TJP1: variants seen among roughly 807,000 people sequenced by gnomAD.
TJP1 encodes tight junction protein 1.
TJP1 carries 43 observed loss-of-function variants against 194.2 expected under a neutral mutation model. That is an observed-to-expected ratio of 0.22 (90% CI 0.17 to 0.29). TJP1 has a LOEUF of 0.29. Among genes scored for constraint, TJP1 ranks in the 10% least tolerant of loss-of-function variants. The probability of loss-of-function intolerance (pLI) is 1.00; values close to 1 mark genes in which losing one functional copy is unlikely to be tolerated. For synonymous variants in TJP1, 801 were observed against 779.0 expected (o/e 1.03, Z -0.47); for missense variants, 1,971 against 2,185.7 (o/e 0.90, Z 1.96).
In TJP1 at chr15:29,701,087, G is replaced by A. The variant is rs2041513428; in HGVS notation, c.*508C>T. On this transcript the variant is annotated 3_prime_UTR_variant, in exon 28 of 28. Transcript: ENST00000614355. Reference sequence around the variant, plus strand: ...GTCTTCACTTCACCCTCCCCCAGTTGTAAATCTCCTTGCTGTACATTTCTG... The same window carrying A: ...GTCTTCACTTCACCCTCCCCCAGTTATAAATCTCCTTGCTGTACATTTCTG... 6.5e-6 allele frequency: 1 copy of A among 153,580 alleles called. No individual in the cohort carries two copies. Among genetic ancestry groups the A allele is most frequent in the Non-Finnish European group, 1.5e-5 (1 of 68,648 alleles). The allele number at this position is 153,580 out of a possible 1,614,324, so 9.5% of individuals were successfully genotyped here.
At chr15:29,772,402 T>C (rs892729232) in intron 3 of TJP1, among the ~76,000 whole-genome samples, 1 of 152,208 alleles carries the variant, frequency 6.6e-6, no homozygotes, top group Non-Finnish European at 1.5e-5. Flanking sequence ...TAACAAAGTA[T>C]TTCCCCAAAA....
chr15:29,949,454 A>ACCT (rs2055476475), intron 2 of TJP1, among the ~76,000 whole-genome samples: 13 of 122,698 alleles, frequency 1.1e-4, no homozygotes, highest in South Asian at 2.8e-4. Flanking sequence ...CACCTTCACC[A>ACCT]CCACTTCCAC....
chr15:29,710,541 ATAG>A (rs1566864892), intron 24 of TJP1, among the ~76,000 whole-genome samples: 1 of 152,210 alleles, frequency 6.6e-6, no homozygotes, highest in Non-Finnish European at 1.5e-5. Context: ...GAGATAAAAC[ATAG>A]TAGGTTTTAC....
upstream of TJP1, among the ~76,000 whole-genome samples, chr15:29,825,049 C>T (rs1173306024): frequency 1.3e-5 from 2 of 151,936 alleles, no homozygotes; most frequent in African/African-American, 4.8e-5. Context: ...AAAGTCTGTT[C>T]TTTAAATAAA....
chr15:29,779,874 A>G (rs2047245629), intron 2 of TJP1, among the ~76,000 whole-genome samples: 1 of 152,162 alleles, frequency 6.6e-6, no homozygotes, highest in Non-Finnish European at 1.5e-5. Flanking sequence ...GAAGTGCAAA[A>G]TGCAACGAGG....
intron 8 of TJP1, among the ~76,000 whole-genome samples, chr15:29,757,947 A>G (rs776884510): frequency 5.3e-5 from 8 of 152,228 alleles, no homozygotes; most frequent in Non-Finnish European, 8.8e-5. Context: ...AAATGTGAAA[A>G]CAAGGATGAA....
In TJP1 at chr15:29,724,074, T is replaced by A. The variant is rs187477765; in HGVS notation, c.2412+2305A>T. Among the ~76,000 whole-genome samples the A allele has an allele frequency of 3.1e-3, 465 of 152,350 alleles. 2 individuals carry two copies. Among genetic ancestry groups the A allele is most frequent in the Middle Eastern group, 0.024 (7 of 294 alleles). On this transcript the variant is annotated intron_variant, in intron 18 of 27. Coordinates refer to ENST00000614355, the MANE Select transcript of TJP1 (RefSeq NM_001330239.4). The stretch of plus-strand genomic sequence containing the variant: ...CTGCTATTAACTAGCAGGTTTGGTG[T>A]GGCTCTGCAGGTCTGCTGTGCCAGA...
At chr15:29,761,904 T>A in intron 6 of TJP1, 135 bp from the exon 7 acceptor site, 1 of 819,712 alleles carries the variant, frequency 1.2e-6, no homozygotes, top group Non-Finnish European at 1.8e-6. Flanking sequence ...TTTTCCAAAC[T>A]GTCAAAGTAT....
intron 2 of TJP1, among the ~76,000 whole-genome samples, chr15:29,845,079 A>T (rs1424379467): frequency 6.6e-6 from 1 of 152,220 alleles, no homozygotes; most frequent in African/African-American, 2.4e-5. Flanking sequence ...GAAGATGATA[A>T]CAGAAAAATG....
chr15:29,812,438 C>G (rs934469729), intron 1 of TJP1, among the ~76,000 whole-genome samples: 3 of 152,230 alleles, frequency 2.0e-5, no homozygotes. Context: ...ACTGGGAGAT[C>G]TGGCCTGTCT....
intron 11 of TJP1, among the ~76,000 whole-genome samples, chr15:29,735,588 G>GAAAAAAA (rs79594334): frequency 1.1e-5 from 1 of 91,688 alleles, no homozygotes; most frequent in Admixed American, 1.1e-4. Flanking sequence ...CTGTCTCAAG[G>GAAAAAAA]AAAAAAAAAA....
chr15:29,944,723 A>G (rs1379722181), intron 2 of TJP1, among the ~76,000 whole-genome samples: 1 of 152,140 alleles, frequency 6.6e-6, no homozygotes, highest in African/African-American at 2.4e-5. Flanking sequence ...CCTACTTCAA[A>G]TATTTACCAA....
chr15:29,717,941 C>T, intron 22 of TJP1, 80 bp downstream of exon 22: 1 of 1,214,146 alleles, frequency 8.2e-7, no homozygotes, highest in Admixed American at 2.1e-5. Flanking sequence ...TCTACTAACA[C>T]AGTAAAAGGT....
intron 10 of TJP1, 132 bp from the exon 11 acceptor site, chr15:29,737,546 T>C (rs574452956): frequency 2.0e-5 from 18 of 916,044 alleles, no homozygotes; most frequent in Admixed American, 3.1e-5. Context: ...TACCACTATT[T>C]TACTAAATAA....
chr15:29,924,448 C>T (rs945943874), intron 2 of TJP1, among the ~76,000 whole-genome samples: 1 of 151,964 alleles, frequency 6.6e-6, no homozygotes, highest in African/African-American at 2.4e-5. Context: ...CATAATATGC[C>T]CATACAAGAG....
intron 2 of TJP1, among the ~76,000 whole-genome samples, chr15:29,863,157 G>A (rs533071357): frequency 1.3e-4 from 20 of 151,992 alleles, no homozygotes; most frequent in African/African-American, 4.8e-4. Flanking sequence ...TTAGCTGGGT[G>A]TGGTGGCAGG....
intron 2 of TJP1, among the ~76,000 whole-genome samples, chr15:29,844,602 G>T (rs914269566): frequency 2.0e-5 from 3 of 152,134 alleles, no homozygotes; most frequent in Non-Finnish European, 2.9e-5. Flanking sequence ...GGGGAGTCAA[G>T]ATTTTTTATC....
chr15:29,761,528 A>G, intron 7 of TJP1, 73 bp downstream of exon 7: 1 of 1,498,996 alleles, frequency 6.7e-7, no homozygotes, highest in South Asian at 1.4e-5. Flanking sequence ...TTTCATTCAA[A>G]GATGTTCAAT....
At chr15:29,900,358 C>A (rs2053598480) in intron 2 of TJP1, among the ~76,000 whole-genome samples, 1 of 152,192 alleles carries the variant, frequency 6.6e-6, no homozygotes, top group Non-Finnish European at 1.5e-5. Context: ...TAACATAGTG[C>A]AGCTTACCTT....
Sources: allele counts gnomAD v4.1 joint callset (sites outside exome capture counted in the v4.1 genomes callset), GRCh38; gene constraint gnomAD v4.1.1; transcripts MANE v1.5; gene names NCBI Gene and HGNC (gene_info 2026-07-23, HGNC 2026-07-21).